The following TRNAU1AP variants were observed in gnomAD, a reference collection of about 807,000 sequenced individuals.
TRNAU1AP encodes tRNA selenocysteine 1 associated protein 1.
TRNAU1AP carries 33 observed loss-of-function variants against 43.3 expected under a neutral mutation model. The ratio of observed to expected loss-of-function variants is 0.76; its 90% confidence interval spans 0.58 to 1.02. The LOEUF is 1.02. Among genes scored for constraint, TRNAU1AP ranks in the 50% least tolerant of loss-of-function variants. The probability of loss-of-function intolerance (pLI) is 0.00; values close to 1 mark genes in which losing one functional copy is unlikely to be tolerated. For missense variants in TRNAU1AP, 290 were observed against 362.7 expected (o/e 0.80, Z 1.63); for synonymous variants, 143 against 129.1 (o/e 1.11, Z -0.73).
intron 4 of TRNAU1AP, among the ~76,000 whole-genome samples, chr1:28,564,110 C>T (rs930959578): frequency 6.6e-6 from 1 of 152,060 alleles, no homozygotes; most frequent in Non-Finnish European, 1.5e-5. Flanking sequence ...GCTAAAAATA[C>T]AAAAGATTAG....
At chr1:28,561,059 G>C in intron 3 of TRNAU1AP, 1 of 1,352,096 alleles carries the variant, frequency 7.4e-7, no homozygotes, top group South Asian at 1.6e-5. Context: ...ACTAGAATAG[G>C]CTGGCAGCAG....
chr1:28,572,456 A>G (rs1665682258), intron 8 of TRNAU1AP, among the ~76,000 whole-genome samples: 1 of 151,830 alleles, frequency 6.6e-6, no homozygotes, highest in Admixed American at 6.6e-5. Flanking sequence ...TCAGCCTCCC[A>G]AAGTGCTGGG....
Position 28,561,326 on chromosome 1 carries a change from G to A in TRNAU1AP, c.226-20G>A. ...GAAACACCTTTCTCTGTTTTAGTTT[G>A]TTTGTTTTTCAACTTCCAGGCGAAA... On this transcript the variant is annotated intron_variant, in intron 3 of 8. Transcript: ENST00000373830. 1.2e-6 allele frequency: 2 copies of A among 1,613,986 alleles called. No homozygotes were observed. Among genetic ancestry groups the A allele is most frequent in the Non-Finnish European group, 1.7e-6 (2 of 1,179,960 alleles).
Position 28,560,733 on chromosome 1 carries a change from G to A in TRNAU1AP, c.225+1G>A. The A allele has an allele frequency of 1.9e-6, 3 of 1,608,570 alleles. No individual in the cohort carries two copies. The highest frequency in any genetic ancestry group is 2.6e-6 in the Non-Finnish European group (3 of 1,175,284). On this transcript the variant is annotated splice_donor_variant, in intron 3 of 8. Transcript: ENST00000373830. LOFTEE classifies it high-confidence loss of function. The stretch of plus-strand genomic sequence containing the variant: ...GAAACCCCTTCCAGGAGCCACACCT[G>A]TAAGGACATTTAGATAATGATGATG...
chr1:28,569,343 T>G (rs1328580388), intron 6 of TRNAU1AP, among the ~76,000 whole-genome samples: 1 of 152,134 alleles, frequency 6.6e-6, no homozygotes, highest in Admixed American at 6.6e-5. Flanking sequence ...TACAATGAGC[T>G]ATGATAACTC....
At chr1:28,558,841 A>G (rs536932355) in intron 2 of TRNAU1AP, among the ~76,000 whole-genome samples, 8 of 152,302 alleles carry the variant, frequency 5.3e-5, no homozygotes, top group Admixed American at 1.3e-4. Context: ...CTGGGATTAC[A>G]GGCGTGAGCC....
intron 6 of TRNAU1AP, 51 bp downstream of exon 6, chr1:28,567,464 C>A: frequency 6.5e-7 from 1 of 1,536,326 alleles, no homozygotes; most frequent in Non-Finnish European, 8.7e-7. Context: ...TCCAGACACT[C>A]CTCTTTTGTT....
chr1:28,555,411 T>G (rs758394694), intron 2 of TRNAU1AP, among the ~76,000 whole-genome samples: 44 of 152,104 alleles, frequency 2.9e-4, no homozygotes, highest in Non-Finnish European at 5.4e-4. Context: ...CTCTATTGCC[T>G]CCATGTTCTT....
At chr1:28,558,854 C>T (rs540881054) in intron 2 of TRNAU1AP, among the ~76,000 whole-genome samples, 1 of 152,074 alleles carries the variant, frequency 6.6e-6, no homozygotes, top group Non-Finnish European at 1.5e-5. Flanking sequence ...CGTGAGCCAC[C>T]GCGCCTGGCG....
At chr1:28,563,735 C>G (rs1297173158) in intron 4 of TRNAU1AP, among the ~76,000 whole-genome samples, 1 of 151,750 alleles carries the variant, frequency 6.6e-6, no homozygotes, top group African/African-American at 2.4e-5. Flanking sequence ...GCCTGTAGTC[C>G]CAGCCACTTG....
chr1:28,558,652 C>T (rs1414386233), intron 2 of TRNAU1AP, among the ~76,000 whole-genome samples: 1 of 151,058 alleles, frequency 6.6e-6, no homozygotes, highest in South Asian at 2.1e-4. Flanking sequence ...GCAAGCTCTG[C>T]CTCCTGGGTT....
chr1:28,572,287 A>G lies in TRNAU1AP; in HGVS notation c.727+387A>G, dbSNP rs538672885. Among the ~76,000 whole-genome samples the G allele has an allele frequency of 1.9e-3, 283 of 152,230 alleles. 1 individual carries two copies. The highest frequency in any genetic ancestry group is 6.3e-3 in the African/African-American group (263 of 41,550). ...CAGTTCACCGCAACCTCCACCTGCC[A>G]GGTTCAAGCAATTCTCCTGCCTCAG... On this transcript the variant is annotated intron_variant, in intron 8 of 8. Transcript: ENST00000373830.
chr1:28,564,093 C>T (rs960636866), intron 4 of TRNAU1AP, among the ~76,000 whole-genome samples: 2 of 152,070 alleles, frequency 1.3e-5, no homozygotes, highest in Non-Finnish European at 2.9e-5. Context: ...GGCGAAACCC[C>T]GTCTCTGCTA....
chr1:28,566,208 G>A (rs937218918), intron 5 of TRNAU1AP, among the ~76,000 whole-genome samples: 2 of 151,126 alleles, frequency 1.3e-5, no homozygotes, highest in South Asian at 2.1e-4. Flanking sequence ...ACAGCTGCTC[G>A]GGAGGCTGAA....
At position 28,571,157 on chromosome 1, in the gene TRNAU1AP, G is replaced by A; in HGVS notation, c.531-19G>A. Reference sequence around the variant, plus strand: ...GAAATGTTTGCTTACACTTATTTTTGTTTCTGTCTTCATTTAAGGAGCCGT... The same window carrying A: ...GAAATGTTTGCTTACACTTATTTTTATTTCTGTCTTCATTTAAGGAGCCGT... On this transcript the variant is annotated intron_variant, in intron 6 of 8. Transcript: ENST00000373830. 1 of 1,612,352 alleles carries A rather than the reference G, an allele frequency of 6.2e-7. No individual in the cohort carries two copies. The highest frequency in any genetic ancestry group is 8.5e-7 in the Non-Finnish European group (1 of 1,178,836).
intron 2 of TRNAU1AP, 54 bp downstream of exon 2, chr1:28,553,791 G>A (rs1487660897): frequency 6.7e-7 from 1 of 1,493,116 alleles, no homozygotes; most frequent in Non-Finnish European, 9.3e-7. Context: ...TGTCATGTAC[G>A]AGAATGTAAA....
intron 3 of TRNAU1AP, 45 bp from the exon 4 acceptor site, chr1:28,561,301 G>A (rs1369766801): frequency 6.2e-7 from 1 of 1,612,502 alleles, no homozygotes; most frequent in Non-Finnish European, 8.5e-7. Context: ...TTCAACTCTT[G>A]AAACACCTTT....
intron 1 of TRNAU1AP, 90 bp from the exon 2 acceptor site, chr1:28,553,550 C>G: frequency 8.0e-7 from 1 of 1,252,848 alleles, no homozygotes; most frequent in Non-Finnish European, 1.1e-6. Context: ...CGGCGCGTAG[C>G]CAGCCCTGGG....
intron 8 of TRNAU1AP, among the ~76,000 whole-genome samples, chr1:28,576,300 C>G (rs981124338): frequency 6.6e-6 from 1 of 151,410 alleles, no homozygotes; most frequent in Admixed American, 6.6e-5. Context: ...ACTACAGACA[C>G]AGGTCACCAT....
Sources: gnomAD v4.1 joint callset for allele counts (sites outside exome capture counted in the v4.1 genomes callset) on GRCh38, gnomAD v4.1.1 for gene constraint, MANE v1.5 for transcripts, NCBI Gene and HGNC (gene_info 2026-07-23, HGNC 2026-07-21) for gene names.